PKD2: variants seen among roughly 807,000 people sequenced by gnomAD.
The protein encoded by PKD2 is polycystin-2.
PKD2 carries 48 observed loss-of-function variants against 105.9 expected under a neutral mutation model. That is an observed-to-expected ratio of 0.45 (90% confidence interval 0.36 to 0.58). The LOEUF is 0.58. PKD2 is among the 20% of genes least tolerant of loss of function. PKD2 has a pLI of 0.00. For synonymous variants in PKD2, 464 were observed against 481.1 expected (o/e 0.96, Z 0.46); for missense variants, 1,078 against 1,255.3 (o/e 0.86, Z 2.13).
rs9307044 is a variant in PKD2 at position 88,028,210 on chromosome 4, T to C, written c.710-8010T>C. On this transcript the variant is annotated intron_variant, in intron 2 of 14. Transcript: ENST00000237596. Reference sequence around the variant, plus strand: ...TGTATTCTGAAAAAGAAAGGAATATTTTATTTTACTTGTAAAAATCTTACA... The same window carrying C: ...TGTATTCTGAAAAAGAAAGGAATATCTTATTTTACTTGTAAAAATCTTACA... Among the ~76,000 whole-genome samples the C allele has an allele frequency of 4.2e-3, 637 of 152,338 alleles. 2 individuals are homozygous for C. The highest frequency in any genetic ancestry group is 0.015 in the African/African-American group (605 of 41,572).
At chr4:88,031,832 TA>T (rs1210286722) in intron 2 of PKD2, among the ~76,000 whole-genome samples, 1 of 152,232 alleles carries the variant, frequency 6.6e-6, no homozygotes, top group East Asian at 1.9e-4. Flanking sequence ...ATTCAATACA[TA>T]AGAATTCATT....
intron 7 of PKD2, 26 bp downstream of exon 7, chr4:88,052,184 A>C: frequency 7.4e-7 from 1 of 1,358,112 alleles, no homozygotes; most frequent in Non-Finnish European, 1.0e-6. Flanking sequence ...CATGTTCTAC[A>C]TTTTAAATAA....
intron 14 of PKD2, 94 bp from the exon 15 acceptor site, chr4:88,075,364 C>T: frequency 2.1e-6 from 2 of 944,422 alleles, no homozygotes; most frequent in Non-Finnish European, 3.5e-6. Context: ...CTGTAAATCT[C>T]CAGCCTTACC....
rs764104241 is a variant in PKD2, at chr4:88,019,500, G to A, written c.638G>A (p.Arg213Gln). The change falls in exon 2 of 15, where the codon CGA becomes CAA. Residue 213 changes from arginine (R) to glutamine (Q), a missense_variant. By Grantham distance (43) the Arg-to-Gln change is conservative. Transcript: ENST00000237596. ...CTCATGGAGGAAAGCAGCACTAACC[G>A]AGAGAAATACCTTAAAAGTGTTTTA... ...TRLMEESSTN[R>Q]EKYLKSVLRE... 6.2e-6 allele frequency: 10 copies of A among 1,607,478 alleles called. No homozygotes were observed. The highest frequency in any genetic ancestry group is 5.5e-5 in the South Asian group (5 of 90,944).
rs200521275 is a variant in PKD2 at position 88,019,329 on chromosome 4, T to TA, written c.596-116dup. ...TTCTCAGTTGCATTCAAAATGTGAT[T>TA]AAAAAAAAAAAAAGGAGAATCTCCC... On this transcript the variant is annotated intron_variant, in intron 1 of 14. Transcript: ENST00000237596. 0.055 allele frequency: 28,966 copies of TA among 528,340 alleles called. 14 individuals carry two copies. The highest frequency in any genetic ancestry group is 0.074 in the Middle Eastern group (140 of 1,902). 32.7% of individuals were successfully genotyped at this position (528,340 alleles called of 1,614,324 possible). A position where few individuals can be genotyped will look rare whatever the true frequency, so the allele number is the denominator to read the frequency against.
At chr4:88,012,446 T>C (rs888688893) in intron 1 of PKD2, among the ~76,000 whole-genome samples, 1 of 114,204 alleles carries the variant, frequency 8.8e-6, no homozygotes, top group African/African-American at 3.8e-5. Flanking sequence ...TTATGAACAT[T>C]TATTTATTAG....
chr4:88,075,531 G>C lies in PKD2; in HGVS notation c.2744G>C (p.Arg915Pro), dbSNP rs755957288. 6.2e-7 allele frequency: 1 copy of C among 1,614,134 alleles called. No individual in the cohort carries two copies. Among genetic ancestry groups the C allele is most frequent in the Non-Finnish European group, 8.5e-7 (1 of 1,179,992 alleles). ...CGGCTAGTACGTGAAGAGTTGGAAC[G>C]CTGGGAATCCGATGATGCAGCTTCC... ...MERLVREELE[R>P]WESDDAASQI... Residue 915 changes from arginine to proline, a missense_variant, in exon 15 of 15, where the codon CGC (arginine) becomes CCC (proline). Physicochemically the swap from Arg to Pro is moderately radical, Grantham distance 103. Around this residue, in one of 2 missense-constraint regions of PKD2, gnomAD observed 868 missense variants for 1,067.3 expected, o/e 0.81. Transcript: ENST00000237596.
At chr4:88,065,715 C>G in intron 11 of PKD2, 47 bp from the exon 12 acceptor site, 1 of 1,404,268 alleles carries the variant, frequency 7.1e-7, no homozygotes, top group East Asian at 2.3e-5. Flanking sequence ...TGAGGGTGAA[C>G]TGGGTACAAG....
At chr4:88,067,081 C>T (rs932401903) in intron 12 of PKD2, among the ~76,000 whole-genome samples, 11 of 152,104 alleles carry the variant, frequency 7.2e-5, no homozygotes, top group Non-Finnish European at 8.8e-5. Context: ...GAAAAGAAGG[C>T]GATCCAGGTT....
chr4:88,024,457 G>GAAAAAAAAAAAAAAAAAAAAAA (rs552942631), intron 2 of PKD2, among the ~76,000 whole-genome samples: 1 of 50,380 alleles, frequency 2.0e-5, no homozygotes, highest in Admixed American at 2.5e-4. Context: ...ACTCTGTCTC[G>GAAAAAAAAAAAAAAAAAAAAAA]AAAAAAAAAA....
intron 12 of PKD2, among the ~76,000 whole-genome samples, chr4:88,066,928 T>C (rs2110139996): frequency 6.6e-6 from 1 of 152,294 alleles, no homozygotes; most frequent in East Asian, 1.9e-4. Flanking sequence ...ACAGTGCTAG[T>C]AGGTGACAGA....
In PKD2 at chr4:88,077,652, T is replaced by C. The variant is rs942103639; in HGVS notation, c.*1958T>C. On this transcript the variant is annotated 3_prime_UTR_variant, in exon 15 of 15. Coordinates refer to ENST00000237596, the MANE Select transcript of PKD2 (RefSeq NM_000297.4). The stretch of plus-strand genomic sequence containing the variant: ...TCCCCCCCTCATCTCTTCCCTATTA[T>C]CTTTCCCTGTGTACTGGTATTATTA... The C allele has an allele frequency of 3.3e-5, 5 of 152,260 alleles. No individual in the cohort carries two copies. The highest frequency in any genetic ancestry group is 1.2e-4 in the African/African-American group (5 of 41,468). 9.4% of individuals were successfully genotyped at this position (152,260 alleles called of 1,614,324 possible). A position where few individuals can be genotyped will look rare whatever the true frequency, so the allele number is the denominator to read the frequency against.
At chr4:88,010,445 G>A (rs936749279) in intron 1 of PKD2, among the ~76,000 whole-genome samples, 3 of 152,138 alleles carry the variant, frequency 2.0e-5, no homozygotes, top group African/African-American at 7.2e-5. Context: ...GTTTTCCTAT[G>A]GACAAAAACC....
Position 88,043,374 on chromosome 4 carries a change from T to C in PKD2, c.1236T>C (p.Asn412=), listed in dbSNP as rs1167726789. The C allele has an allele frequency of 2.5e-6, 4 of 1,613,792 alleles. No individual in the cohort carries two copies. Among genetic ancestry groups the C allele is most frequent in the African/African-American group, 1.3e-5 (1 of 74,848 alleles). ...TAAQVASLKK[N]VWLDRGTRAT... ...CACAAGTTGCTAGCCTCAAGAAAAA[T>C]GTCTGGCTGGACCGAGGAACCAGGG... Residue 412 remains asparagine (N), a synonymous_variant, in exon 5 of 15, where the codon AAT becomes AAC. Coordinates refer to ENST00000237596, the MANE Select transcript of PKD2 (RefSeq NM_000297.4).
chr4:88,019,404 T>C (rs1221077799), intron 1 of PKD2, 54 bp from the exon 2 acceptor site: 1 of 916,666 alleles, frequency 1.1e-6, no homozygotes. Flanking sequence ...TTGCCATTCA[T>C]GAGATTTCTT....
chr4:88,022,077 G>T (rs553092862), intron 2 of PKD2, among the ~76,000 whole-genome samples: 96 of 152,320 alleles, frequency 6.3e-4, no homozygotes, highest in Middle Eastern at 6.8e-3. Context: ...GACTCATGAG[G>T]CTGTTTCATC....
rs559013959 is a variant in PKD2 at position 88,060,450 on chromosome 4, A to G, written c.2020-1456A>G. 6.0e-5 allele frequency among the ~76,000 whole-genome samples: 9 copies of G among 151,240 alleles called. No individual in the cohort carries two copies. The East Asian group carries it at 1.7e-3, about 29-fold the overall frequency. ...ACTAAGCCACTATATCCATATATAT[A>G]TATATATCATATATACTGTATAATA... is the stretch of plus-strand genomic sequence containing the variant. On this transcript the variant is annotated intron_variant, in intron 9 of 14. Coordinates refer to ENST00000237596, the MANE Select transcript of PKD2 (RefSeq NM_000297.4).
At chr4:88,074,766 G>C in intron 13 of PKD2, 46 bp from the exon 14 acceptor site, 2 of 1,610,510 alleles carry the variant, frequency 1.2e-6, no homozygotes, top group Non-Finnish European at 1.7e-6. Context: ...GGGCTGAAAA[G>C]ACAATGACAA....
intron 13 of PKD2, among the ~76,000 whole-genome samples, chr4:88,069,707 C>G (rs1720941968): frequency 6.6e-6 from 1 of 152,000 alleles, no homozygotes; most frequent in Admixed American, 6.6e-5. Context: ...CTTAATGAAG[C>G]TGAGAGAAGA....
Sources: allele counts gnomAD v4.1 joint callset (sites outside exome capture counted in the v4.1 genomes callset), GRCh38; gene constraint gnomAD v4.1.1; regional missense constraint gnomAD v4.1.1; transcripts MANE v1.5; gene names NCBI Gene and HGNC (gene_info 2026-07-23, HGNC 2026-07-21).